The following TANC1 variants were observed in gnomAD, a reference collection of about 807,000 sequenced individuals.
TANC1 encodes the protein protein TANC1.
A neutral mutation model predicts 149.7 loss-of-function variants in TANC1; 77 were observed. The ratio of observed to expected loss-of-function variants is 0.51; its 90% confidence interval spans 0.43 to 0.62. The LOEUF is 0.62. Among genes scored for constraint, TANC1 ranks in the 20% least tolerant of loss-of-function variants. The probability of loss-of-function intolerance (pLI) is 0.00; values close to 1 mark genes in which losing one functional copy is unlikely to be tolerated. For synonymous variants in TANC1, 854 were observed against 925.0 expected (o/e 0.92, Z 1.39); for missense variants, 1,985 against 2,321.8 (o/e 0.85, Z 2.98).
At chr2:159,040,325 G>A (rs2040529649) in intron 2 of TANC1, among the ~76,000 whole-genome samples, 1 of 152,108 alleles carries the variant, frequency 6.6e-6, no homozygotes, top group Non-Finnish European at 1.5e-5. Flanking sequence ...GGTTGGGGAA[G>A]TTCTCCTGGA....
At chr2:159,142,626 G>A (rs2150251621) in intron 5 of TANC1, among the ~76,000 whole-genome samples, 1 of 152,254 alleles carries the variant, frequency 6.6e-6, no homozygotes, top group African/African-American at 2.4e-5. Flanking sequence ...TTGTATGATT[G>A]AATTGCAAGC....
intron 1 of TANC1, among the ~76,000 whole-genome samples, chr2:158,993,116 G>A (rs910953114): frequency 2.9e-4 from 44 of 152,316 alleles, no homozygotes; most frequent in African/African-American, 9.1e-4. Context: ...GTTTTAAGGT[G>A]TAGGTAAATA....
At chr2:159,169,664 G>T (rs2054976465) in intron 9 of TANC1, among the ~76,000 whole-genome samples, 1 of 152,168 alleles carries the variant, frequency 6.6e-6, no homozygotes, top group Non-Finnish European at 1.5e-5. Flanking sequence ...CACTCATTAG[G>T]TGTTTATTAC....
chr2:159,182,216 AG>A (rs1204248269), intron 14 of TANC1, among the ~76,000 whole-genome samples: 3 of 151,462 alleles, frequency 2.0e-5, no homozygotes, highest in Admixed American at 6.6e-5. Context: ...TCAAAAAAAA[AG>A]AAAGAGTTTT....
At chr2:159,151,667 G>T (rs1311880016) in intron 7 of TANC1, among the ~76,000 whole-genome samples, 1 of 152,198 alleles carries the variant, frequency 6.6e-6, no homozygotes, top group African/African-American at 2.4e-5. Context: ...TTTGGAGATT[G>T]CCCCAGAAGG....
chr2:158,983,243 G>T (rs764570908), intron 1 of TANC1, among the ~76,000 whole-genome samples: 2 of 152,024 alleles, frequency 1.3e-5, no homozygotes, highest in African/African-American at 2.4e-5. Flanking sequence ...GAGGTGGGTT[G>T]GATCACGAGG....
intron 3 of TANC1, among the ~76,000 whole-genome samples, chr2:159,096,868 G>A (rs2046200091): frequency 6.6e-6 from 1 of 152,154 alleles, no homozygotes; most frequent in African/African-American, 2.4e-5. Context: ...AAGAGAACCA[G>A]GAAGTTAAAC....
intron 2 of TANC1, among the ~76,000 whole-genome samples, chr2:159,042,274 G>A (rs939351545): frequency 5.3e-5 from 8 of 152,158 alleles, no homozygotes; most frequent in Admixed American, 1.3e-4. Context: ...TGGCCCAAAC[G>A]TGACTGCACA....
chr2:159,053,956 G>A (rs2041657366), intron 2 of TANC1, among the ~76,000 whole-genome samples: 1 of 152,204 alleles, frequency 6.6e-6, no homozygotes, highest in South Asian at 2.1e-4. Flanking sequence ...GGACTGTACT[G>A]TAGATGTCTC....
At chr2:159,156,623 C>T (rs1471732558) in intron 7 of TANC1, among the ~76,000 whole-genome samples, 1 of 152,178 alleles carries the variant, frequency 6.6e-6, no homozygotes, top group African/African-American at 2.4e-5. Context: ...GAATTTAAGA[C>T]ATGACAGTGA....
At chr2:159,160,973 G>A (rs1320942621) in intron 7 of TANC1, among the ~76,000 whole-genome samples, 1 of 145,992 alleles carries the variant, frequency 6.8e-6, no homozygotes, top group Non-Finnish European at 1.5e-5. Flanking sequence ...TTACCCCTCC[G>A]CCCCCTCTCC....
At chr2:159,000,136 A>AG (rs909708698) in intron 1 of TANC1, among the ~76,000 whole-genome samples, 1 of 151,966 alleles carries the variant, frequency 6.6e-6, no homozygotes, top group Non-Finnish European at 1.5e-5. Flanking sequence ...GGGTTGGGGT[A>AG]GGGGGGACCA....
intron 2 of TANC1, among the ~76,000 whole-genome samples, chr2:159,065,354 A>C (rs187063763): frequency 5.0e-4 from 76 of 152,300 alleles, no homozygotes; most frequent in Non-Finnish European, 9.7e-4. Context: ...GGGTTCTCTG[A>C]TCAGGGTTAA....
chr2:159,182,991 C>T (rs1195422366), intron 14 of TANC1, among the ~76,000 whole-genome samples: 3 of 152,224 alleles, frequency 2.0e-5, no homozygotes, highest in Non-Finnish European at 4.4e-5. Flanking sequence ...TGTTCTGCAA[C>T]AGCAAATCTA....
intron 2 of TANC1, among the ~76,000 whole-genome samples, chr2:159,011,031 A>T (rs971543371): frequency 1.3e-5 from 2 of 152,274 alleles, no homozygotes; most frequent in African/African-American, 2.4e-5. Flanking sequence ...GGGGCTTTAC[A>T]TACAATAGTT....
chr2:159,052,476 G>A (rs566104778), intron 2 of TANC1, among the ~76,000 whole-genome samples: 6 of 152,112 alleles, frequency 3.9e-5, no homozygotes, highest in Non-Finnish European at 8.8e-5. Flanking sequence ...GGGATGATGC[G>A]GTAAGAAGGC....
At chr2:159,037,847 T>C (rs1251732667) in intron 2 of TANC1, among the ~76,000 whole-genome samples, 3 of 152,250 alleles carry the variant, frequency 2.0e-5, no homozygotes, top group Non-Finnish European at 4.4e-5. Context: ...GGCTCTTTTT[T>C]AGTTCCATAT....
chr2:159,045,892 G>A (rs2041002364), intron 2 of TANC1, among the ~76,000 whole-genome samples: 1 of 152,134 alleles, frequency 6.6e-6, no homozygotes, highest in Non-Finnish European at 1.5e-5. Context: ...AAAATGACAT[G>A]GAAGAGGAAT....
intron 17 of TANC1, among the ~76,000 whole-genome samples, chr2:159,195,666 G>T (rs2057788296): frequency 1.3e-5 from 2 of 152,092 alleles, no homozygotes; most frequent in Admixed American, 1.3e-4. Context: ...TCAGTTCATG[G>T]AGAAGGAAAT....
Sources: gnomAD v4.1 joint callset for allele counts (sites outside exome capture counted in the v4.1 genomes callset) on GRCh38, gnomAD v4.1.1 for gene constraint, MANE v1.5 for transcripts, NCBI Gene and HGNC (gene_info 2026-07-23, HGNC 2026-07-21) for gene names.